The following OPCML variants were observed in gnomAD, a reference collection of about 807,000 sequenced individuals.
OPCML encodes the protein opioid-binding protein/cell adhesion molecule.
A neutral mutation model predicts 37.8 loss-of-function variants in OPCML; 13 were observed. The ratio of observed to expected loss-of-function variants is 0.34; its 90% confidence interval spans 0.22 to 0.55. The LOEUF is 0.55. OPCML is among the 20% of genes least tolerant of loss of function. OPCML has a pLI of 0.91. For synonymous variants in OPCML, 176 were observed against 168.8 expected, an observed-to-expected ratio of 1.04 and a Z score of -0.33; for missense variants, 341 against 435.6, an observed-to-expected ratio of 0.78 and a Z score of 1.93.
At chr11:133,190,718 A>C (rs1271503853) in intron 1 of OPCML, among the ~76,000 whole-genome samples, 1 of 152,200 alleles carries the variant, frequency 6.6e-6, no homozygotes, top group Non-Finnish European at 1.5e-5. Flanking sequence ...CTTTTTGTAT[A>C]AATAAAATTA....
Position 132,508,029 on chromosome 11 carries a change from AGTG to A in OPCML, c.505+21029_505+21031del, listed in dbSNP as rs557581774. On this transcript the variant is annotated intron_variant, in intron 4 of 7. Transcript: ENST00000524381. ...ATGGGAAAAGGGGTATTCTTCTTTA[AGTG>A]GTAAAGGAGCTCTCTGAAACCATCA... 2.0e-5 allele frequency among the ~76,000 whole-genome samples: 3 copies of A among 152,286 alleles called. No individual in the cohort carries two copies. The South Asian group carries it at 6.2e-4, about 32-fold the overall frequency.
intron 2 of OPCML, among the ~76,000 whole-genome samples, chr11:132,658,834 A>G (rs748159341): frequency 6.6e-6 from 1 of 152,218 alleles, no homozygotes; most frequent in African/African-American, 2.4e-5. Context: ...GCAACTTGTT[A>G]TATCTCAGTC....
rs144871229 is a variant in OPCML, at chr11:132,638,843, C to G, written c.379+18244G>C. On this transcript the variant is annotated intron_variant, in intron 3 of 7. Transcript: ENST00000524381. ...TCCTTTAAAACCCCTAACCTCTAAG[C>G]CTTTAGGAAGACTGATTTGAGTAAT... 8.5e-4 allele frequency among the ~76,000 whole-genome samples: 129 copies of G among 152,272 alleles called. 2 individuals are homozygous for G. The East Asian group carries it at 0.024, about 28-fold the overall frequency.
At chr11:133,481,643 A>T (rs967741280) in intron 1 of OPCML, among the ~76,000 whole-genome samples, 11 of 152,218 alleles carry the variant, frequency 7.2e-5, no homozygotes, top group African/African-American at 2.7e-4. Flanking sequence ...TATGAAAAAT[A>T]GGCTATGACT....
At chr11:132,576,500 A>T (rs1459446962) in intron 3 of OPCML, among the ~76,000 whole-genome samples, 2 of 151,736 alleles carry the variant, frequency 1.3e-5, no homozygotes, top group Non-Finnish European at 1.5e-5. Context: ...AAATATTTGT[A>T]TCTCTTTGTT....
At chr11:133,215,296 T>C (rs1267379943) in intron 1 of OPCML, among the ~76,000 whole-genome samples, 1 of 152,184 alleles carries the variant, frequency 6.6e-6, no homozygotes, top group African/African-American at 2.4e-5. Context: ...GCGAGGCCAC[T>C]AATCACGGGG....
At chr11:132,573,746 TA>T (rs1416995573) in intron 3 of OPCML, among the ~76,000 whole-genome samples, 4 of 152,036 alleles carry the variant, frequency 2.6e-5, no homozygotes, top group African/African-American at 9.6e-5. Context: ...GCTGGCCTCA[TA>T]AAAACAGTTT....
In OPCML at chr11:132,833,312, C is replaced by T. The variant is rs113087389; in HGVS notation, c.146+109614G>A. Among the ~76,000 whole-genome samples the T allele has an allele frequency of 5.0e-3, 762 of 152,208 alleles. 1 individual carries two copies. Among genetic ancestry groups the T allele is most frequent in the Middle Eastern group, 0.01 (3 of 294 alleles). On this transcript the variant is annotated intron_variant, in intron 2 of 7. Transcript: ENST00000524381. ...TTTGTTAAAAACTAAGACACAAACA[C>T]GCACATTAGCCGAGGCCTGCACAGG...
intron 7 of OPCML, among the ~76,000 whole-genome samples, chr11:132,431,909 TA>T (rs2095998260): frequency 6.6e-6 from 1 of 152,170 alleles, no homozygotes; most frequent in African/African-American, 2.4e-5. Flanking sequence ...GTTGCAAATC[TA>T]AAAATTGTCC....
intron 2 of OPCML, chr11:132,657,543 C>G: frequency 2.0e-6 from 1 of 504,152 alleles, no homozygotes; most frequent in Non-Finnish European, 2.6e-6. Context: ...TATTTGACTT[C>G]GAGACATATT....
chr11:133,127,803 G>T (rs184658045), intron 1 of OPCML, among the ~76,000 whole-genome samples: 1 of 152,004 alleles, frequency 6.6e-6, no homozygotes, highest in Admixed American at 6.6e-5. Context: ...TTTCTAAAAG[G>T]GGAATATAAG....
chr11:133,198,286 A>G (rs2136314289), intron 1 of OPCML, among the ~76,000 whole-genome samples: 1 of 152,352 alleles, frequency 6.6e-6, no homozygotes, highest in Middle Eastern at 3.4e-3. Context: ...AATCTTCAGG[A>G]GTTTTGTAGT....
chr11:132,538,213 G>A (rs2096346079), intron 3 of OPCML, among the ~76,000 whole-genome samples: 2 of 152,100 alleles, frequency 1.3e-5, no homozygotes, highest in South Asian at 2.1e-4. Context: ...CAATACAATG[G>A]AATATTATAT....
At chr11:132,568,583 C>T (rs1422514137) in intron 3 of OPCML, among the ~76,000 whole-genome samples, 2 of 152,114 alleles carry the variant, frequency 1.3e-5, no homozygotes, top group African/African-American at 2.4e-5. Flanking sequence ...GAGACTGCAG[C>T]GACGCAGGTG....
At chr11:132,852,464 C>T (rs2136332482) in intron 2 of OPCML, among the ~76,000 whole-genome samples, 1 of 152,212 alleles carries the variant, frequency 6.6e-6, no homozygotes, top group Non-Finnish European at 1.5e-5. Flanking sequence ...GACATTATTT[C>T]CCTTTTTCAT....
At chr11:132,648,983 T>G (rs1212861084) in intron 3 of OPCML, among the ~76,000 whole-genome samples, 1 of 152,128 alleles carries the variant, frequency 6.6e-6, no homozygotes, top group Non-Finnish European at 1.5e-5. Context: ...TTAGCCTACA[T>G]ATTTGTGGGT....
Position 133,358,649 on chromosome 11 carries a change from T to C in OPCML, c.61+173615A>G, listed in dbSNP as rs978015570. On this transcript the variant is annotated intron_variant, in intron 1 of 7. Transcript: ENST00000524381. ...CTCTTTGTTCTCATGTGGCTCACAG[T>C]GTAATTGAGAGAGGTACAAATTGGG... Among the ~76,000 whole-genome samples the C allele has an allele frequency of 2.0e-5, 3 of 152,110 alleles. 1 individual carries two copies. The highest frequency in any genetic ancestry group is 4.4e-5 in the Non-Finnish European group (3 of 68,006).
chr11:132,597,314 T>C (rs1189876473), intron 3 of OPCML, among the ~76,000 whole-genome samples: 1 of 152,220 alleles, frequency 6.6e-6, no homozygotes, highest in Non-Finnish European at 1.5e-5. Context: ...TTGAATATGA[T>C]GAATAAAGCG....
chr11:133,289,473 T>C (rs1178501601), intron 1 of OPCML, among the ~76,000 whole-genome samples: 3 of 150,214 alleles, frequency 2.0e-5, no homozygotes, highest in African/African-American at 2.4e-5. Flanking sequence ...CGGGCGCCTG[T>C]AGTCCCAGCT....
Sources: allele counts gnomAD v4.1 joint callset (sites outside exome capture counted in the v4.1 genomes callset), GRCh38; gene constraint gnomAD v4.1.1; transcripts MANE v1.5; gene names NCBI Gene and HGNC (gene_info 2026-07-23, HGNC 2026-07-21).